SH3TC2: variants seen among roughly 807,000 people sequenced by gnomAD.
SH3TC2 encodes SH3 domain and tetratricopeptide repeats 2, also known as SH3 domain and tetratricopeptide repeat-containing protein 2.
Under a neutral mutation model 124.5 loss-of-function variants are expected in SH3TC2, and 87 were observed. The observed-to-expected ratio is 0.70, with a 90% CI of 0.59 to 0.84. The LOEUF is 0.84. Ranked by LOEUF, SH3TC2 falls within the 40% of genes least tolerant of loss-of-function variation. SH3TC2 has a pLI of 0.00. For synonymous variants in SH3TC2, 634 were observed against 628.5 expected (o/e 1.01, Z -0.13); for missense variants, 1,536 against 1,566.4 (o/e 0.98, Z 0.33).
chr5:149,009,843 T>C (rs556999918), intron 14 of SH3TC2, among the ~76,000 whole-genome samples: 2 of 152,294 alleles, frequency 1.3e-5, no homozygotes, highest in East Asian at 1.9e-4. Context: ...AAAAAATATA[T>C]TTTAATACAT....
intron 9 of SH3TC2, among the ~76,000 whole-genome samples, chr5:149,030,840 T>G (rs1754179680): frequency 6.6e-6 from 1 of 152,218 alleles, no homozygotes; most frequent in Non-Finnish European, 1.5e-5. Flanking sequence ...AAATTCTTCC[T>G]CAAGTCACCA....
In SH3TC2 at chr5:149,062,573, G is replaced by A. The variant is rs74441961; in HGVS notation, c.52+398C>T. 3.7e-3 allele frequency among the ~76,000 whole-genome samples: 564 copies of A among 152,314 alleles called. 4 individuals carry two copies. Among genetic ancestry groups the A allele is most frequent in the Non-Finnish European group, 5.8e-3 (393 of 68,026 alleles). On this transcript the variant is annotated intron_variant, in intron 1 of 16. Transcript: ENST00000515425. ...GTAACAGCAACCCTGACAAAAATAG[G>A]CTTGAATGACTAAGGCCAAGTTTAT...
Position 149,027,105 on chromosome 5 carries a change from G to C in SH3TC2, c.2627C>G (p.Ala876Gly). 1 of 1,614,180 alleles carries C rather than the reference G, an allele frequency of 6.2e-7. No homozygotes were observed. The highest frequency in any genetic ancestry group is 8.5e-7 in the Non-Finnish European group (1 of 1,180,024). Residue 876 changes from alanine (A) to glycine (G), a missense_variant, in exon 11 of 17, where the codon GCA becomes GGA. Ala to Gly is a moderately conservative substitution (Grantham distance 60). Transcript: ENST00000515425. Reference sequence around the variant, plus strand: ...GTGGCCAAGATTGGCCATAGCCACTGCCTGGTTATGCACATCTCCCACCTC... The same window carrying C: ...GTGGCCAAGATTGGCCATAGCCACTCCCTGGTTATGCACATCTCCCACCTC... Reference protein sequence around the residue: ...AQEVGDVHNQAVAMANLGHLS... With the variant: ...AQEVGDVHNQGVAMANLGHLS...
chr5:149,027,051 G>A lies in SH3TC2; in HGVS notation c.2681C>T (p.Pro894Leu), dbSNP rs1041030580. ...AGCCTGCAGGAGATAGTTTCTGGCT[G>A]GATGCTGAGCCCAGGACTTAAGGCT... ...HLSLKSWAQH[P>L]ARNYLLQAVR... Residue 894 changes from proline (P) to leucine (L), a missense_variant, in exon 11 of 17, where the codon CCA (proline) becomes CTA (leucine). Coordinates refer to ENST00000515425, the MANE Select transcript of SH3TC2 (RefSeq NM_024577.4). The A allele has an allele frequency of 5.6e-6, 9 of 1,614,074 alleles. No homozygotes were observed. In the African/African-American group the frequency reaches 1.2e-4, roughly 22 times the overall value.
chr5:148,988,781 G>A lies in SH3TC2; in HGVS notation c.*15930C>T, dbSNP rs1263175731. Reference sequence around the variant, plus strand: ...TCAATCCATCAGACCAACAGATGATGATAAGCTGTTTTAAATCAGAAACTT... The same window carrying A: ...TCAATCCATCAGACCAACAGATGATAATAAGCTGTTTTAAATCAGAAACTT... On this transcript the variant is annotated 3_prime_UTR_variant, in exon 17 of 17. Transcript: ENST00000515425. Among the ~76,000 whole-genome samples the A allele has an allele frequency of 1.3e-5, 2 of 152,228 alleles. No individual in the cohort carries two copies. Among genetic ancestry groups the A allele is most frequent in the Non-Finnish European group, 2.9e-5 (2 of 68,040 alleles).
In SH3TC2 at chr5:148,987,809, CTGTGTGTGTG is replaced by C. The variant is rs71957589; in HGVS notation, c.*16892_*16901del. ...CCTCACTCGAGGCCTCATTCAAAAT[CTGTGTGTGTG>C]TGTGTGTGTGTGTGTGTGTGTGTGT... On this transcript the variant is annotated 3_prime_UTR_variant, in exon 17 of 17. Transcript: ENST00000515425. 2.1e-3 allele frequency among the ~76,000 whole-genome samples: 290 copies of C among 135,410 alleles called. No individual in the cohort carries two copies. The highest frequency in any genetic ancestry group is 6.7e-3 in the African/African-American group (241 of 36,196). 88.8% of individuals were successfully genotyped at this position (135,410 alleles called of 152,430 possible).
chr5:149,028,055 A>G lies in SH3TC2; in HGVS notation c.1677T>C (p.Asn559=). 1 of 1,614,108 alleles carries G rather than the reference A, an allele frequency of 6.2e-7. No individual in the cohort carries two copies. The highest frequency in any genetic ancestry group is 8.5e-7 in the Non-Finnish European group (1 of 1,180,022). The stretch of plus-strand genomic sequence containing the variant: ...CCAAGGATAGGTCCTCAAATGCTCC[A>G]TTGAGAATGTGGATGGCCTCCTCGA... ...VYFEEAIHIL[N]GAFEDLSLVA... Residue 559 remains asparagine (N), a synonymous_variant, in exon 11 of 17, where the codon AAT becomes AAC. Coordinates refer to ENST00000515425, the MANE Select transcript of SH3TC2 (RefSeq NM_024577.4).
chr5:148,994,846 C>T lies in SH3TC2; in HGVS notation c.*9865G>A, dbSNP rs746755274. Among the ~76,000 whole-genome samples the T allele has an allele frequency of 3.9e-5, 6 of 152,162 alleles. No homozygotes were observed. Among genetic ancestry groups the T allele is most frequent in the South Asian group, 4.2e-4 (2 of 4,792 alleles). On this transcript the variant is annotated 3_prime_UTR_variant, in exon 17 of 17. Transcript: ENST00000515425. ...TCCTAGTCCTTTGCATATATGCATC[C>T]AATCTCCCCCAAACAGACTGACAGA...
chr5:149,027,854 C>T lies in SH3TC2; in HGVS notation c.1878G>A (p.Val626=). The T allele has an allele frequency of 6.2e-7, 1 of 1,613,920 alleles. No homozygotes were observed. Among genetic ancestry groups the T allele is most frequent in the South Asian group, 1.1e-5 (1 of 91,084 alleles). Residue 626 remains valine (V), a synonymous_variant, in exon 11 of 17, where the codon GTG becomes GTA. Coordinates refer to ENST00000515425, the MANE Select transcript of SH3TC2 (RefSeq NM_024577.4). ...CCCTGGCCTCCAGCGGGCTGCTGCC[C>T]ACCACAATCCCCTGGCGCAGCACGT... ...VAYVLRQGIV[V]GSSPLEARAC...
At chr5:149,007,378 T>C in intron 15 of SH3TC2, 1 of 587,016 alleles carries the variant, frequency 1.7e-6, no homozygotes, top group Non-Finnish European at 3.0e-6. Flanking sequence ...CTGGAGTGAT[T>C]CCCAGAAGAA....
Position 149,003,500 on chromosome 5 carries a change from G to A in SH3TC2, c.*1211C>T, listed in dbSNP as rs1392075334. Reference sequence around the variant, plus strand: ...GAGCTTGGAAGCCCATCCTTCTCTAGTTGAAGTTGAGATAACTGCAGCCCC... The same window carrying A: ...GAGCTTGGAAGCCCATCCTTCTCTAATTGAAGTTGAGATAACTGCAGCCCC... On this transcript the variant is annotated 3_prime_UTR_variant, in exon 17 of 17. Transcript: ENST00000515425. The A allele has an allele frequency of 6.3e-6, 1 of 158,764 alleles. No homozygotes were observed. The highest frequency in any genetic ancestry group is 1.9e-4 in the East Asian group (1 of 5,330). The allele number at this position is 158,764 out of a possible 1,614,324, so 9.8% of individuals were successfully genotyped here.
At chr5:149,041,738 A>T in intron 5 of SH3TC2, 121 bp from the exon 6 acceptor site, 1 of 1,086,488 alleles carries the variant, frequency 9.2e-7, no homozygotes. Flanking sequence ...AGTAAAGTAG[A>T]CGTTTCACAG....
chr5:149,012,459 C>T, intron 13 of SH3TC2, 125 bp downstream of exon 13: 2 of 1,302,730 alleles, frequency 1.5e-6, no homozygotes, highest in African/African-American at 1.5e-5. Context: ...AGTGTTGACC[C>T]TTTCTCCACA....
At chr5:149,042,933 C>T (rs1754397670) in intron 4 of SH3TC2, 96 bp from the exon 5 acceptor site, 18 of 1,456,812 alleles carry the variant, frequency 1.2e-5, no homozygotes. Context: ...AGCTTGATTC[C>T]CAGACCACAA....
rs1367358718 is a variant in SH3TC2 at position 148,988,315 on chromosome 5, C to T, written c.*16396G>A. Among the ~76,000 whole-genome samples, 1 of 152,122 alleles carries T rather than the reference C, an allele frequency of 6.6e-6. No homozygotes were observed. The highest frequency in any genetic ancestry group is 2.4e-5 in the African/African-American group (1 of 41,406). On this transcript the variant is annotated 3_prime_UTR_variant, in exon 17 of 17. Transcript: ENST00000515425. ...TGTAAAGCTGCCTTACTATCTAGTC[C>T]CCAAGATAGCCCCAAGTGAACCAGG...
intron 14 of SH3TC2, among the ~76,000 whole-genome samples, chr5:149,009,528 C>A (rs182889184): frequency 6.6e-6 from 1 of 152,302 alleles, no homozygotes; most frequent in East Asian, 1.9e-4. Context: ...TCTTCCCCAC[C>A]CCTAGCTCAG....
chr5:149,030,916 TTCAG>T (rs111400089), intron 9 of SH3TC2, among the ~76,000 whole-genome samples: 10,121 of 151,790 alleles, frequency 0.067, 731 homozygotes, highest in Admixed American at 0.17. Context: ...GTATCATTCA[TTCAG>T]TCAGTCAGTC....
intron 4 of SH3TC2, chr5:149,044,169 T>G (rs1754418073): frequency 4.1e-6 from 1 of 244,290 alleles, no homozygotes; most frequent in Admixed American, 5.1e-5. Flanking sequence ...GCTACTTCGA[T>G]CTTACTCAAG....
At position 148,999,760 on chromosome 5, in the gene SH3TC2, G is replaced by C. The variant is rs1210548200; in HGVS notation, c.*4951C>G. 6.6e-6 allele frequency among the ~76,000 whole-genome samples: 1 copy of C among 152,134 alleles called. No individual in the cohort carries two copies. The highest frequency in any genetic ancestry group is 1.5e-5 in the Non-Finnish European group (1 of 68,018). On this transcript the variant is annotated 3_prime_UTR_variant, in exon 17 of 17. Transcript: ENST00000515425. ...CACTGCTGCCCTAATCTAGTCTCAT[G>C]CTGCTTCTAGAATCATCTTTCCAAA...
Sources: allele counts gnomAD v4.1 joint callset (sites outside exome capture counted in the v4.1 genomes callset), GRCh38; gene constraint gnomAD v4.1.1; transcripts MANE v1.5; gene names NCBI Gene and HGNC (gene_info 2026-07-23, HGNC 2026-07-21).